SLIT3: variants seen among roughly 807,000 people sequenced by gnomAD.
SLIT3 encodes the protein slit guidance ligand 3, also known as slit homolog 3 protein.
A neutral mutation model predicts 184.0 loss-of-function variants in SLIT3; 68 were observed. The ratio of observed to expected loss-of-function variants is 0.37; its 90% CI spans 0.30 to 0.45. The LOEUF is 0.45. Ranked by LOEUF, SLIT3 falls within the 20% of genes least tolerant of loss-of-function variation. The pLI, the probability that SLIT3 is intolerant of heterozygous loss-of-function variation, is 1.00. For synonymous variants in SLIT3, 831 were observed against 828.6 expected, an observed-to-expected ratio of 1.00 and a Z score of -0.05; for missense variants, 1,707 against 2,026.0, an observed-to-expected ratio of 0.84 and a Z score of 3.02.
chr5:168,783,676 A>G (rs1037156664), intron 12 of SLIT3, among the ~76,000 whole-genome samples: 6 of 152,230 alleles, frequency 3.9e-5, no homozygotes, highest in Admixed American at 1.3e-4. Context: ...CCTTCTTATC[A>G]GTGTCTCCAG....
At chr5:168,867,463 G>A (rs184083662) in intron 5 of SLIT3, among the ~76,000 whole-genome samples, 205 of 152,286 alleles carry the variant, frequency 1.3e-3, no homozygotes, top group Admixed American at 2.4e-3. Flanking sequence ...TTGGTCCCTC[G>A]GTATTTGGAG....
At chr5:169,146,825 C>A (rs1761942656) in intron 4 of SLIT3, among the ~76,000 whole-genome samples, 1 of 152,266 alleles carries the variant, frequency 6.6e-6, no homozygotes, top group Admixed American at 6.5e-5. Flanking sequence ...TGCAGGGTAC[C>A]AACCCATTAT....
rs1483113044 is a variant in SLIT3, at chr5:169,018,205, T to G, written c.414-134869A>C. Reference sequence around the variant, plus strand: ...GACGGGGATGCCCCCAAACCCACATTTTTTGCAAGCTCCTGGGGTGATTCC... The same window carrying G: ...GACGGGGATGCCCCCAAACCCACATGTTTTGCAAGCTCCTGGGGTGATTCC... On this transcript the variant is annotated intron_variant, in intron 4 of 35. Transcript: ENST00000519560. 2.0e-5 allele frequency among the ~76,000 whole-genome samples: 3 copies of G among 152,182 alleles called. No homozygotes were observed. In the East Asian group the frequency reaches 5.8e-4, roughly 29 times the overall value.
At chr5:168,807,869 G>A (rs1313570383) in intron 8 of SLIT3, among the ~76,000 whole-genome samples, 2 of 152,154 alleles carry the variant, frequency 1.3e-5, no homozygotes, top group East Asian at 1.9e-4. Context: ...GGACGCGGAC[G>A]CTTCAAACAG....
At chr5:169,237,691 A>G (rs1194230927) in intron 3 of SLIT3, among the ~76,000 whole-genome samples, 1 of 152,160 alleles carries the variant, frequency 6.6e-6, no homozygotes, top group Non-Finnish European at 1.5e-5. Context: ...CTTACTTGCC[A>G]GCTGTATATC....
At chr5:169,103,354 G>GCC (rs1760086954) in intron 4 of SLIT3, among the ~76,000 whole-genome samples, 1 of 152,214 alleles carries the variant, frequency 6.6e-6, no homozygotes, top group Admixed American at 6.5e-5. Context: ...CAATGTTATA[G>GCC]CCTCTGGAGT....
chr5:168,913,822 C>T (rs149251554), intron 4 of SLIT3, among the ~76,000 whole-genome samples: 1 of 152,102 alleles, frequency 6.6e-6, no homozygotes. Flanking sequence ...CTTTCTCCCC[C>T]ACTCTGACCT....
At chr5:168,712,585 A>G in intron 23 of SLIT3, 2 of 535,250 alleles carry the variant, frequency 3.7e-6, no homozygotes, top group Admixed American at 3.3e-5. Context: ...GGACTTTTCA[A>G]TCTGATAGAC....
chr5:169,069,840 C>T (rs752765325), intron 4 of SLIT3, among the ~76,000 whole-genome samples: 1 of 152,060 alleles, frequency 6.6e-6, no homozygotes, highest in Non-Finnish European at 1.5e-5. Flanking sequence ...AGGCAGGCAC[C>T]AGACCAGACC....
chr5:169,085,124 T>C (rs1414147466), intron 4 of SLIT3, among the ~76,000 whole-genome samples: 1 of 152,192 alleles, frequency 6.6e-6, no homozygotes, highest in Non-Finnish European at 1.5e-5. Context: ...AGACTCCAGG[T>C]TTCTTTCTTT....
intron 20 of SLIT3, among the ~76,000 whole-genome samples, chr5:168,728,354 G>GACTGCTAC (rs1763200539): frequency 6.6e-6 from 1 of 151,130 alleles, no homozygotes; most frequent in Non-Finnish European, 1.5e-5. Context: ...TAGAACAAGT[G>GACTGCTAC]ACTGCTACAC....
chr5:168,921,334 G>A (rs1359363956), intron 4 of SLIT3, among the ~76,000 whole-genome samples: 1 of 152,090 alleles, frequency 6.6e-6, no homozygotes, highest in South Asian at 2.1e-4. Flanking sequence ...TTCACCTCAC[G>A]TACAAAATGA....
chr5:169,283,674 C>T lies in SLIT3; in HGVS notation c.197+16839G>A, dbSNP rs765772960. Among the ~76,000 whole-genome samples, 21 of 152,318 alleles carry T rather than the reference C, an allele frequency of 1.4e-4. 1 individual carries two copies. Among genetic ancestry groups the T allele is most frequent in the Non-Finnish European group, 2.5e-4 (17 of 68,030 alleles). On this transcript the variant is annotated intron_variant, in intron 1 of 35. Coordinates refer to ENST00000519560, the MANE Select transcript of SLIT3 (RefSeq NM_003062.4). ...GAGGGACTTATGACAATTTCACAGC[C>T]ACATGATGATCCCAAAGTCAAACTC...
At chr5:168,999,941 A>G (rs1755645622) in intron 4 of SLIT3, among the ~76,000 whole-genome samples, 1 of 152,116 alleles carries the variant, frequency 6.6e-6, no homozygotes. Context: ...AGATGACCCA[A>G]AGACCCTTCA....
Position 168,696,340 on chromosome 5 carries a change from C to T in SLIT3, c.3034G>A (p.Val1012Met), listed in dbSNP as rs61737125. 7.6e-5 allele frequency: 123 copies of T among 1,614,180 alleles called. No individual in the cohort carries two copies. The African/African-American group carries it at 1.1e-3, about 15-fold the overall frequency. Residue 1012 changes from valine to methionine, a missense_variant, in exon 28 of 36, where the codon GTG becomes ATG. Transcript: ENST00000519560. ...DNDCENNATC[V>M]DGINNYVCIC... ...CACACGTAGTTGTTGATCCCGTCCA[C>T]GCAGGTGGCATTGTTTTCGCAGTCG...
rs1312769690 is a variant in SLIT3, at chr5:168,817,269, C to A, written c.793+31G>T. On this transcript the variant is annotated intron_variant, in intron 8 of 35. Transcript: ENST00000519560. ...GCTCATGGGTGGGTGGGTCATAGCA[C>A]AGGAGGGGAGAGCAGGTAAAGCATC... is the stretch of plus-strand genomic sequence containing the variant. The A allele has an allele frequency of 1.4e-5, 23 of 1,610,628 alleles. No homozygotes were observed. In the African/African-American group the frequency reaches 2.4e-4, roughly 17 times the overall value.
rs1305546275 is a variant in SLIT3 at position 169,300,089 on chromosome 5, CCT to C, written c.197+422_197+423del. Among the ~76,000 whole-genome samples the C allele has an allele frequency of 6.6e-6, 1 of 152,224 alleles. No homozygotes were observed. The highest frequency in any genetic ancestry group is 2.4e-5 in the African/African-American group (1 of 41,460). On this transcript the variant is annotated intron_variant, in intron 1 of 35. Coordinates refer to ENST00000519560, the MANE Select transcript of SLIT3 (RefSeq NM_003062.4). This position sits in a 1 kb window ranked among gnomAD's most constrained non-coding sequence, Gnocchi z 4.1. Reference sequence around the variant, plus strand: ...TCCAAGCAGGTCAACAGTCTCGGGCCCTCTCTCCCGCCTCCGCGCCTTGACGG... The same window carrying C: ...TCCAAGCAGGTCAACAGTCTCGGGCCCTCTCCCGCCTCCGCGCCTTGACGG...
At chr5:168,953,834 A>G (rs1034660638) in intron 4 of SLIT3, among the ~76,000 whole-genome samples, 1 of 152,220 alleles carries the variant, frequency 6.6e-6, no homozygotes, top group African/African-American at 2.4e-5. Flanking sequence ...TCAAACATTT[A>G]CTGTGCACAA....
intron 6 of SLIT3, among the ~76,000 whole-genome samples, chr5:168,832,862 T>G (rs1757925449): frequency 6.6e-6 from 1 of 152,224 alleles, no homozygotes; most frequent in Admixed American, 6.5e-5. Flanking sequence ...GGGCTGGATC[T>G]GGCTTGCAGG....
Sources: gnomAD v4.1 joint callset for allele counts (sites outside exome capture counted in the v4.1 genomes callset) on GRCh38, gnomAD v4.1.1 for gene constraint, Gnocchi (gnomAD v3.1) non-coding constraint, MANE v1.5 for transcripts, NCBI Gene and HGNC (gene_info 2026-07-23, HGNC 2026-07-21) for gene names.